The following COBL variants were observed in gnomAD, a reference collection of about 807,000 sequenced individuals.
The protein encoded by COBL is cordon-bleu WH2 repeat protein.
COBL carries 51 observed loss-of-function variants against 98.8 expected under a neutral mutation model. The ratio of observed to expected loss-of-function variants is 0.52; its 90% confidence interval spans 0.41 to 0.65. The LOEUF (loss-of-function observed/expected upper bound fraction) is 0.65, where lower values mean the gene tolerates loss of function less well. Ranked by LOEUF, COBL falls within the 30% of genes least tolerant of loss-of-function variation. The pLI, the probability that COBL is intolerant of heterozygous loss-of-function variation, is 0.00. For synonymous variants in COBL, 634 were observed against 651.7 expected (o/e 0.97, Z 0.41); for missense variants, 1,617 against 1,617.5 (o/e 1.00, Z 0.01).
At position 51,028,601 on chromosome 7, in the gene COBL, C is replaced by G. The variant is rs1371622644; in HGVS notation, c.2495G>C (p.Gly832Ala). Residue 832 changes from glycine (G) to alanine (A), a missense_variant, in exon 10 of 13, where the codon GGG (glycine) becomes GCG (alanine). This residue lies in a region of COBL where 1,304 missense variants were observed against 1,282.0 expected (regional missense o/e 1.02). Transcript: ENST00000265136. ...GCCCATGGTGGGGGGCTGGTTTCTCCCCTCCCCTAGGGGGTTCCGGCCCTC... is the reference window on the plus strand; with the variant it reads ...GCCCATGGTGGGGGGCTGGTTTCTCGCCTCCCCTAGGGGGTTCCGGCCCTC... The part of the protein sequence containing the change: ...HHEGRNPLGE[G>A]RNQPPTMGMG... 1 of 1,614,048 alleles carries G rather than the reference C, an allele frequency of 6.2e-7. No individual in the cohort carries two copies. Among genetic ancestry groups the G allele is most frequent in the Non-Finnish European group, 8.5e-7 (1 of 1,179,960 alleles).
intron 1 of COBL, among the ~76,000 whole-genome samples, chr7:51,310,709 G>A (rs1802944985): frequency 1.3e-5 from 2 of 152,160 alleles, no homozygotes; most frequent in Admixed American, 1.3e-4. Flanking sequence ...TCATCAGGTG[G>A]AGTGCAGTGG....
rs181369439 is a variant in COBL at position 51,302,538 on chromosome 7, G to A, written c.41+14055C>T. ...GGAGGTTGTGGTGAGCCGATATTGC[G>A]CCATTGCACTCCAGCCTGGGCAACA... On this transcript the variant is annotated intron_variant, in intron 1 of 12. Coordinates refer to ENST00000265136, the MANE Select transcript of COBL (RefSeq NM_015198.5). Among the ~76,000 whole-genome samples the A allele has an allele frequency of 7.8e-3, 1,123 of 144,138 alleles. 58 individuals are homozygous for A. In the South Asian group the frequency reaches 0.14, roughly 17 times the overall value. 94.6% of individuals were successfully genotyped at this position (144,138 alleles called of 152,430 possible).
At chr7:51,280,497 C>T (rs952060381) in intron 1 of COBL, among the ~76,000 whole-genome samples, 2 of 152,212 alleles carry the variant, frequency 1.3e-5, no homozygotes, top group Admixed American at 1.3e-4. Flanking sequence ...ATGGAGTAAA[C>T]CCCACTGCTT....
At chr7:51,031,081 T>A in intron 8 of COBL, 172 bp from the exon 9 acceptor site, 1 of 610,750 alleles carries the variant, frequency 1.6e-6, no homozygotes, top group Non-Finnish European at 2.9e-6. Flanking sequence ...TTCATGGGTG[T>A]GTGTGTCCCC....
chr7:51,281,753 G>A lies in COBL; in HGVS notation c.41+34840C>T, dbSNP rs186852971. ...CAAATGAAGGCAAAGAGAATTCACT[G>A]CCAGCAGGCCTGTTCTAGAATAATT... On this transcript the variant is annotated intron_variant, in intron 1 of 12. Coordinates refer to ENST00000265136, the MANE Select transcript of COBL (RefSeq NM_015198.5). 8.3e-4 allele frequency among the ~76,000 whole-genome samples: 126 copies of A among 152,186 alleles called. 1 individual carries two copies. The highest frequency in any genetic ancestry group is 2.8e-3 in the African/African-American group (117 of 41,538).
chr7:51,279,428 T>C (rs1176994497), intron 1 of COBL, among the ~76,000 whole-genome samples: 1 of 152,166 alleles, frequency 6.6e-6, no homozygotes, highest in Admixed American at 6.5e-5. Context: ...GGTTCTCCAA[T>C]TATTTTAATA....
intron 5 of COBL, among the ~76,000 whole-genome samples, chr7:51,144,552 A>G (rs563927261): frequency 6.6e-6 from 1 of 152,244 alleles, no homozygotes; most frequent in Non-Finnish European, 1.5e-5. Flanking sequence ...GTAATAACAT[A>G]AAATTAACCG....
intron 6 of COBL, among the ~76,000 whole-genome samples, chr7:51,129,021 G>A (rs902997942): frequency 3.9e-5 from 6 of 152,204 alleles, no homozygotes; most frequent in Non-Finnish European, 7.3e-5. Context: ...AATATTCCAA[G>A]TCCTCATCAA....
chr7:51,126,019 G>GT (rs1429662158), intron 6 of COBL, among the ~76,000 whole-genome samples: 2 of 152,134 alleles, frequency 1.3e-5, no homozygotes, highest in African/African-American at 2.4e-5. Context: ...ATGCCTTTTA[G>GT]TTTTTTTCTC....
At chr7:51,122,475 C>T (rs1220955489) in intron 6 of COBL, among the ~76,000 whole-genome samples, 1 of 152,192 alleles carries the variant, frequency 6.6e-6, no homozygotes, top group Non-Finnish European at 1.5e-5. Flanking sequence ...ATGATCTCTG[C>T]AGCACTTCTA....
At chr7:51,283,739 C>T (rs1409798553) in intron 1 of COBL, among the ~76,000 whole-genome samples, 1 of 152,140 alleles carries the variant, frequency 6.6e-6, no homozygotes. Context: ...CCTGCCTCGG[C>T]CTCCCAGAGT....
intron 8 of COBL, among the ~76,000 whole-genome samples, chr7:51,036,767 T>C (rs1788687942): frequency 6.6e-6 from 1 of 152,158 alleles, no homozygotes; most frequent in Admixed American, 6.5e-5. Flanking sequence ...CTCTCTACCT[T>C]TGGTGGCTCT....
chr7:51,230,850 C>T (rs1342628368), intron 1 of COBL, among the ~76,000 whole-genome samples: 5 of 152,218 alleles, frequency 3.3e-5, no homozygotes, highest in Non-Finnish European at 4.4e-5. Flanking sequence ...CCCCTGCTAT[C>T]CTGTCTCCAT....
chr7:51,174,815 A>T (rs1023657378), intron 5 of COBL, among the ~76,000 whole-genome samples: 1 of 152,218 alleles, frequency 6.6e-6, no homozygotes, highest in Non-Finnish European at 1.5e-5. Context: ...AGGCAACCTG[A>T]AAGTGTGTCC....
intron 5 of COBL, among the ~76,000 whole-genome samples, chr7:51,176,337 T>C (rs1788381498): frequency 6.6e-6 from 1 of 152,078 alleles, no homozygotes; most frequent in African/African-American, 2.4e-5. Context: ...ACTGAAAAGA[T>C]TCAGGAGCTC....
chr7:51,259,015 C>T (rs1293834936), intron 1 of COBL, among the ~76,000 whole-genome samples: 3 of 152,038 alleles, frequency 2.0e-5, no homozygotes, highest in Non-Finnish European at 2.9e-5. Context: ...CGGCCGAGCG[C>T]GGTGGCTCAT....
At chr7:51,136,631 A>C (rs1799264958) in intron 5 of COBL, among the ~76,000 whole-genome samples, 1 of 152,176 alleles carries the variant, frequency 6.6e-6, no homozygotes, top group Non-Finnish European at 1.5e-5. Context: ...CTTCTTGACC[A>C]ACCTGCAGGT....
rs1386979034 is a variant in COBL, at chr7:51,029,313, C to T, written c.1783G>A (p.Glu595Lys). Reference protein sequence around the residue: ...EHSQPHEKAREEVPALHPASH... With the variant: ...EHSQPHEKARKEVPALHPASH... The stretch of plus-strand genomic sequence containing the variant: ...GCGGGGTGCAGGGCAGGTACTTCCT[C>T]CCTTGCCTTTTCATGGGGCTGGCTG... Residue 595 changes from glutamate (E) to lysine (K), a missense_variant, in exon 10 of 13, where the codon GAG becomes AAG. Glu to Lys is a moderately conservative substitution (Grantham distance 56, BLOSUM62 1). Around this residue, in one of 3 missense-constraint regions of COBL, gnomAD observed 1,304 missense variants for 1,282.0 expected, o/e 1.02. Transcript: ENST00000265136. 1.2e-6 allele frequency: 2 copies of T among 1,601,602 alleles called. No individual in the cohort carries two copies. Among genetic ancestry groups the T allele is most frequent in the Middle Eastern group, 1.7e-4 (1 of 6,000 alleles).
At chr7:51,236,186 G>A (rs1451711840) in intron 1 of COBL, among the ~76,000 whole-genome samples, 1 of 152,146 alleles carries the variant, frequency 6.6e-6, no homozygotes, top group Middle Eastern at 3.2e-3. Flanking sequence ...GAAAACTGAG[G>A]CCCAGAGCCC....
Sources: allele counts gnomAD v4.1 joint callset (sites outside exome capture counted in the v4.1 genomes callset), GRCh38; gene constraint gnomAD v4.1.1; regional missense constraint gnomAD v4.1.1; transcripts MANE v1.5; gene names NCBI Gene and HGNC (gene_info 2026-07-23, HGNC 2026-07-21).